Variants in TLL1 observed in about 807,000 individuals in gnomAD.
The protein encoded by TLL1 is tolloid like 1.
A neutral mutation model predicts 128.2 loss-of-function variants in TLL1; 49 were observed. The ratio of observed to expected loss-of-function variants is 0.38; its 90% CI spans 0.30 to 0.48. The LOEUF is 0.48. TLL1 is among the 20% of genes least tolerant of loss of function. TLL1 has a pLI of 0.96. For missense variants in TLL1, 1,123 were observed against 1,242.0 expected, an observed-to-expected ratio of 0.90 and a Z score of 1.44; for synonymous variants, 454 against 418.8, an observed-to-expected ratio of 1.08 and a Z score of -1.03.
At chr4:166,052,083 G>A (rs954768618) in intron 12 of TLL1, among the ~76,000 whole-genome samples, 4 of 151,886 alleles carry the variant, frequency 2.6e-5, no homozygotes, top group African/African-American at 9.7e-5. Flanking sequence ...TATAGACCAG[G>A]CAATATATAA....
chr4:165,928,471 T>A (rs546220365), intron 1 of TLL1, among the ~76,000 whole-genome samples: 1 of 151,806 alleles, frequency 6.6e-6, no homozygotes, highest in Non-Finnish European at 1.5e-5. Flanking sequence ...TGAAGGAGAG[T>A]AGGGATTTGC....
rs144227430 is a variant in TLL1, at chr4:165,965,324, T to G, written c.170-24057T>G. On this transcript the variant is annotated intron_variant, in intron 1 of 20. Coordinates refer to ENST00000061240, the MANE Select transcript of TLL1 (RefSeq NM_012464.5). ...GCAAAAGATTTTATGTCAACACCCC[T>G]TTACTCTAAAGTCAGATTTAGAGCT... 7.8e-3 allele frequency among the ~76,000 whole-genome samples: 1,194 copies of G among 152,270 alleles called. 15 individuals are homozygous for G. Among genetic ancestry groups the G allele is most frequent in the African/African-American group, 0.026 (1,092 of 41,560 alleles).
At chr4:166,044,736 A>C (rs1019779039) in intron 12 of TLL1, among the ~76,000 whole-genome samples, 13 of 147,612 alleles carry the variant, frequency 8.8e-5, no homozygotes, top group Non-Finnish European at 1.6e-4. Context: ...GATTTAGACA[A>C]AAAAAAGGCT....
intron 8 of TLL1, among the ~76,000 whole-genome samples, chr4:166,017,787 TA>T (rs2111056800): frequency 6.6e-6 from 1 of 152,234 alleles, no homozygotes; most frequent in South Asian, 2.1e-4. Context: ...CTTTCTGAAA[TA>T]GTTAGCTTTG....
chr4:166,033,769 T>C (rs1339925246), intron 9 of TLL1, among the ~76,000 whole-genome samples: 1 of 152,160 alleles, frequency 6.6e-6, no homozygotes, highest in African/African-American at 2.4e-5. Flanking sequence ...TGTTGCATGG[T>C]TCATGCTGGC....
chr4:166,013,824 T>C (rs1022236919), intron 7 of TLL1, among the ~76,000 whole-genome samples: 1 of 151,826 alleles, frequency 6.6e-6, no homozygotes, highest in Non-Finnish European at 1.5e-5. Flanking sequence ...GATTAGGTTT[T>C]CTTATTTACT....
chr4:166,103,279 C>A lies in TLL1; in HGVS notation c.*2403C>A, dbSNP rs185527767. 1.4e-4 allele frequency: 22 copies of A among 151,858 alleles called. No homozygotes were observed. The East Asian group carries it at 4.3e-3, about 30-fold the overall frequency. The allele number at this position is 151,858 out of a possible 1,614,324, so 9.4% of individuals were successfully genotyped here. A position where few individuals can be genotyped will look rare whatever the true frequency, so the allele number is the denominator to read the frequency against. ...TAGGGGTGAATTAGAGTAAAACTTACAGGATAAGCATTTTGCTCTTTTTAA... is the reference window on the plus strand; with the variant it reads ...TAGGGGTGAATTAGAGTAAAACTTAAAGGATAAGCATTTTGCTCTTTTTAA... On this transcript the variant is annotated 3_prime_UTR_variant, in exon 21 of 21. Transcript: ENST00000061240.
intron 1 of TLL1, among the ~76,000 whole-genome samples, chr4:165,943,556 A>G (rs190346728): frequency 1.3e-5 from 2 of 152,162 alleles, no homozygotes; most frequent in Admixed American, 6.6e-5. Flanking sequence ...TAAAAATTGG[A>G]CCTTTAAAAT....
chr4:166,036,893 A>C (rs1739029410), intron 9 of TLL1, among the ~76,000 whole-genome samples: 1 of 151,736 alleles, frequency 6.6e-6, no homozygotes, highest in African/African-American at 2.4e-5. Flanking sequence ...TTTTGGATGA[A>C]ATTGATAATA....
intron 16 of TLL1, among the ~76,000 whole-genome samples, chr4:166,073,936 G>A (rs1042194100): frequency 2.0e-5 from 3 of 152,084 alleles, no homozygotes; most frequent in African/African-American, 7.2e-5. Flanking sequence ...TTCTCTATGT[G>A]TGGGAGTGAT....
chr4:165,878,920 CTTTTTTTTTTTTTTT>C (rs140447889), intron 1 of TLL1, among the ~76,000 whole-genome samples: 1 of 60,460 alleles, frequency 1.7e-5, no homozygotes, highest in Non-Finnish European at 2.8e-5. Flanking sequence ...TGATGGCTTC[CTTTTTTTTTTTTTTT>C]TTTTTTTTTT....
intron 1 of TLL1, among the ~76,000 whole-genome samples, chr4:165,931,938 G>A (rs1014555590): frequency 5.3e-5 from 8 of 152,088 alleles, no homozygotes; most frequent in Admixed American, 3.3e-4. Context: ...GAGGTCAGGC[G>A]AGTGACTCAG....
intron 16 of TLL1, among the ~76,000 whole-genome samples, chr4:166,071,112 T>C (rs961327889): frequency 2.6e-5 from 4 of 151,976 alleles, no homozygotes; most frequent in African/African-American, 9.7e-5. Context: ...ATCCTGAACA[T>C]TTAATTTGAG....
intron 1 of TLL1, among the ~76,000 whole-genome samples, chr4:165,916,529 G>A (rs1732783696): frequency 6.6e-6 from 1 of 152,124 alleles, no homozygotes. Context: ...GTGGATATAA[G>A]GTGGATACCC....
intron 1 of TLL1, among the ~76,000 whole-genome samples, chr4:165,949,166 T>G (rs1377740204): frequency 2.9e-4 from 44 of 152,084 alleles, no homozygotes; most frequent in Non-Finnish European, 2.9e-5. Context: ...CCCAACCCAC[T>G]GTTACCGGAG....
At chr4:166,017,898 T>G (rs1309990488) in intron 8 of TLL1, among the ~76,000 whole-genome samples, 1 of 152,182 alleles carries the variant, frequency 6.6e-6, no homozygotes, top group African/African-American at 2.4e-5. Flanking sequence ...CATAAAATAC[T>G]TACCACAAGC....
chr4:165,983,103 A>G (rs974346390), intron 1 of TLL1, among the ~76,000 whole-genome samples: 2 of 151,880 alleles, frequency 1.3e-5, no homozygotes, highest in Non-Finnish European at 2.9e-5. Flanking sequence ...CATACACACA[A>G]AAAAGTTTCA....
At chr4:165,896,649 A>G (rs1579454260) in intron 1 of TLL1, among the ~76,000 whole-genome samples, 1 of 151,504 alleles carries the variant, frequency 6.6e-6, no homozygotes, top group South Asian at 2.1e-4. Flanking sequence ...TGTGCGGCTA[A>G]TTTTTTTGTA....
intron 12 of TLL1, among the ~76,000 whole-genome samples, chr4:166,051,271 C>T (rs1461245945): frequency 7.1e-6 from 1 of 141,726 alleles, no homozygotes; most frequent in East Asian, 2.0e-4. Context: ...TCCTCCCTCC[C>T]TCCCTCCCTT....
Sources: allele counts gnomAD v4.1 joint callset (sites outside exome capture counted in the v4.1 genomes callset), GRCh38; gene constraint gnomAD v4.1.1; transcripts MANE v1.5; gene names NCBI Gene and HGNC (gene_info 2026-07-23, HGNC 2026-07-21).